The following SVOPL variants were observed in gnomAD, a reference collection of about 807,000 sequenced individuals.
The protein encoded by SVOPL is SVOP like.
SVOPL carries 60 observed loss-of-function variants against 61.0 expected under a neutral mutation model. The observed-to-expected ratio is 0.98, with a 90% CI of 0.80 to 1.22. SVOPL has a LOEUF of 1.22. Ranked by LOEUF, SVOPL falls within the 50% of genes most tolerant of loss-of-function variation. The probability of loss-of-function intolerance (pLI) is 0.00; values close to 1 mark genes in which losing one functional copy is unlikely to be tolerated. For missense variants in SVOPL, 662 were observed against 643.9 expected, an observed-to-expected ratio of 1.03 and a Z score of -0.30; for synonymous variants, 279 against 250.0, an observed-to-expected ratio of 1.12 and a Z score of -1.09.
At chr7:138,611,663 G>A (rs1350158507) in intron 14 of SVOPL, among the ~76,000 whole-genome samples, 5 of 151,826 alleles carry the variant, frequency 3.3e-5, no homozygotes, top group Non-Finnish European at 7.4e-5. Flanking sequence ...TCTTTCGGCT[G>A]TAACCATTAA....
chr7:138,662,725 T>C, intron 5 of SVOPL: 1 of 1,070,858 alleles, frequency 9.3e-7, no homozygotes, highest in Non-Finnish European at 1.1e-6. Context: ...TGGGGGCATC[T>C]AACCAACCCA....
At chr7:138,678,188 C>G (rs570275294) in intron 3 of SVOPL, among the ~76,000 whole-genome samples, 15 of 152,190 alleles carry the variant, frequency 9.9e-5, no homozygotes, top group African/African-American at 3.1e-4. Context: ...CCCCCTCCCC[C>G]ACCACTCCTG....
At chr7:138,598,022 A>G (rs943973474) in intron 14 of SVOPL, among the ~76,000 whole-genome samples, 1 of 152,184 alleles carries the variant, frequency 6.6e-6, no homozygotes, top group African/African-American at 2.4e-5. Context: ...AATCCAGTAG[A>G]TGTTACTGGG....
chr7:138,611,851 C>G (rs1452386765), intron 14 of SVOPL, among the ~76,000 whole-genome samples: 71 of 54,440 alleles, frequency 1.3e-3, no homozygotes, highest in Admixed American at 2.1e-3. Context: ...CCCAAAGTGC[C>G]GAGATTGCAG....
chr7:138,672,212 C>T, intron 3 of SVOPL, 95 bp from the exon 4 acceptor site: 1 of 1,132,568 alleles, frequency 8.8e-7, no homozygotes, highest in Non-Finnish European at 1.3e-6. Context: ...AGTCCTGTCC[C>T]CTTTGTCCTT....
intron 5 of SVOPL, chr7:138,660,659 G>A (rs181799210): frequency 3.4e-4 from 334 of 985,350 alleles, no homozygotes; most frequent in Admixed American, 6.1e-4. Context: ...TACATAAGTC[G>A]TTATGCCCTC....
chr7:138,669,388 A>G (rs1385619410), intron 4 of SVOPL, among the ~76,000 whole-genome samples: 1 of 152,160 alleles, frequency 6.6e-6, no homozygotes, highest in Non-Finnish European at 1.5e-5. Flanking sequence ...AGCCCGGGCA[A>G]AAGAGGGAGA....
intron 1 of SVOPL, among the ~76,000 whole-genome samples, chr7:138,700,495 T>A (rs1803167867): frequency 6.6e-6 from 1 of 151,914 alleles, no homozygotes; most frequent in Admixed American, 6.6e-5. Context: ...CCCACCACCA[T>A]GCATGGCTAA....
At chr7:138,649,768 T>C (rs961667206) in intron 7 of SVOPL, among the ~76,000 whole-genome samples, 1 of 152,182 alleles carries the variant, frequency 6.6e-6, no homozygotes, top group South Asian at 2.1e-4. Flanking sequence ...ACAAGGCTAC[T>C]GCAGTAGACC....
At chr7:138,654,304 T>C (rs1351441070) in intron 7 of SVOPL, among the ~76,000 whole-genome samples, 1 of 152,150 alleles carries the variant, frequency 6.6e-6, no homozygotes, top group East Asian at 1.9e-4. Flanking sequence ...ACAGAAGAGA[T>C]AAGATGATGT....
intron 14 of SVOPL, among the ~76,000 whole-genome samples, chr7:138,601,045 A>G (rs984991780): frequency 6.6e-6 from 1 of 151,980 alleles, no homozygotes; most frequent in Non-Finnish European, 1.5e-5. Context: ...AGGTCAGGAG[A>G]TCGAGACCAT....
chr7:138,643,422 C>CA (rs36014220), intron 9 of SVOPL, among the ~76,000 whole-genome samples: 5,025 of 66,892 alleles, frequency 0.075, 365 homozygotes, highest in East Asian at 0.25. Flanking sequence ...GACTCCATCT[C>CA]AAAAAAAAAA....
intron 1 of SVOPL, among the ~76,000 whole-genome samples, chr7:138,693,639 G>C (rs1000191019): frequency 6.7e-6 from 1 of 150,174 alleles, no homozygotes; most frequent in Non-Finnish European, 1.5e-5. Context: ...AGAAAGAAGG[G>C]AGGGAGGGAA....
intron 3 of SVOPL, among the ~76,000 whole-genome samples, chr7:138,675,251 G>GA (rs1462001038): frequency 6.7e-6 from 1 of 148,678 alleles, no homozygotes; most frequent in Non-Finnish European, 1.5e-5. Flanking sequence ...AAAGAAAAAA[G>GA]AAAAAAAGAA....
chr7:138,630,183 C>T, intron 9 of SVOPL, 61 bp from the exon 10 acceptor site: 1 of 1,381,250 alleles, frequency 7.2e-7, no homozygotes. Context: ...GGAGATGTTT[C>T]CACTGTTTTC....
intron 3 of SVOPL, among the ~76,000 whole-genome samples, chr7:138,676,001 G>A (rs1045741095): frequency 1.3e-5 from 2 of 152,030 alleles, no homozygotes; most frequent in Admixed American, 1.3e-4. Flanking sequence ...ACCACACATA[G>A]TTTTTTGTAT....
intron 14 of SVOPL, among the ~76,000 whole-genome samples, chr7:138,610,691 G>A (rs1489607060): frequency 6.6e-6 from 1 of 152,178 alleles, no homozygotes; most frequent in African/African-American, 2.4e-5. Flanking sequence ...CCTTGACCTT[G>A]CCCTGACACT....
chr7:138,670,776 C>T (rs1802394716), intron 4 of SVOPL, among the ~76,000 whole-genome samples: 1 of 152,120 alleles, frequency 6.6e-6, no homozygotes, highest in South Asian at 2.1e-4. Flanking sequence ...AAAGATGAAC[C>T]CTAGGGCAGT....
chr7:138,679,898 T>A (rs772176259), intron 1 of SVOPL, among the ~76,000 whole-genome samples: 1 of 152,196 alleles, frequency 6.6e-6, no homozygotes, highest in Admixed American at 6.5e-5. Context: ...AATTTATCAC[T>A]GTCTGGCACG....
Sources: gnomAD v4.1 joint callset for allele counts (sites outside exome capture counted in the v4.1 genomes callset) on GRCh38, gnomAD v4.1.1 for gene constraint, MANE v1.5 for transcripts, NCBI Gene and HGNC (gene_info 2026-07-23, HGNC 2026-07-21) for gene names.